PSD3: variants seen among roughly 807,000 people sequenced by gnomAD.
PSD3 encodes the protein pleckstrin and Sec7 domain containing 3.
In PSD3, 49 loss-of-function variants were observed where a neutral mutation model predicts 105.5. The observed-to-expected ratio is 0.46, with a 90% CI of 0.37 to 0.59. The LOEUF (loss-of-function observed/expected upper bound fraction) is 0.59. PSD3 is among the 20% of genes least tolerant of loss of function. The pLI is 0.00. For synonymous variants in PSD3, 557 were observed against 457.8 expected, an observed-to-expected ratio of 1.22 and a Z score of -2.77; for missense variants, 1,561 against 1,263.8, an observed-to-expected ratio of 1.24 and a Z score of -3.57.
intron 4 of PSD3, among the ~76,000 whole-genome samples, chr8:18,845,833 A>G (rs7844500): frequency 0.45 from 68,157 of 152,014 alleles, 15,790 homozygotes; most frequent in Admixed American, 0.52. Flanking sequence ...TAGTCTCAGG[A>G]TTTTATGGGA....
chr8:18,994,807 G>T (rs1825987622), intron 1 of PSD3, among the ~76,000 whole-genome samples: 3 of 151,290 alleles, frequency 2.0e-5, no homozygotes, highest in Admixed American at 2.0e-4. Flanking sequence ...ATCCTAAAAA[G>T]TATGCCTCAT....
chr8:19,031,026 G>A (rs1024591779), intron 1 of PSD3, among the ~76,000 whole-genome samples: 2 of 152,150 alleles, frequency 1.3e-5, no homozygotes, highest in African/African-American at 4.8e-5. Flanking sequence ...CAGTCTGATT[G>A]TATCTATGTG....
At chr8:18,741,969 G>A (rs1046318028) in intron 9 of PSD3, among the ~76,000 whole-genome samples, 6 of 152,068 alleles carry the variant, frequency 3.9e-5, no homozygotes, top group African/African-American at 9.7e-5. Context: ...ATACTTAAAC[G>A]AAAGTGTTTA....
At chr8:18,737,555 G>A (rs573872218) in intron 9 of PSD3, among the ~76,000 whole-genome samples, 102 of 152,248 alleles carry the variant, frequency 6.7e-4, no homozygotes, top group African/African-American at 2.3e-3. Context: ...TGCTCGCTTG[G>A]CCTCCCAGAG....
chr8:18,573,875 G>A (rs1036489483), intron 13 of PSD3, among the ~76,000 whole-genome samples: 6 of 152,064 alleles, frequency 3.9e-5, no homozygotes, highest in African/African-American at 1.4e-4. Flanking sequence ...TGATGGCTGA[G>A]CCATTCTGTA....
intron 15 of PSD3, among the ~76,000 whole-genome samples, chr8:18,551,141 C>T (rs532360537): frequency 2.6e-5 from 4 of 152,248 alleles, no homozygotes; most frequent in African/African-American, 7.2e-5. Context: ...TGCACTGCTC[C>T]TGTGAAAGCA....
chr8:18,844,965 A>T (rs993563613), intron 4 of PSD3, among the ~76,000 whole-genome samples: 23 of 152,336 alleles, frequency 1.5e-4, no homozygotes, highest in African/African-American at 5.5e-4. Flanking sequence ...TTTGCACTAA[A>T]ATCTGGGAAT....
At chr8:18,661,234 C>T (rs1306203841) in intron 9 of PSD3, among the ~76,000 whole-genome samples, 1 of 152,192 alleles carries the variant, frequency 6.6e-6, no homozygotes, top group African/African-American at 2.4e-5. Flanking sequence ...ACAGCTTCCA[C>T]TTTCAGTGAA....
At chr8:19,059,477 A>C (rs1242011244) in intron 1 of PSD3, among the ~76,000 whole-genome samples, 6 of 152,204 alleles carry the variant, frequency 3.9e-5, no homozygotes, top group Non-Finnish European at 8.8e-5. Flanking sequence ...GTGCAGAACA[A>C]GAAACTAGCC....
rs568626051 is a variant in PSD3 at position 18,600,340 on chromosome 8, A to AT, written c.2481+23dup. ...GTAATTATTTCATCGAGTTTTGTGG[A>AT]TTTTTTATCTGCTTTACTTTTACCT... On this transcript the variant is annotated intron_variant, in intron 12 of 15. Transcript: ENST00000327040. 334 of 1,591,700 alleles carry AT rather than the reference A, an allele frequency of 2.1e-4. 2 individuals are homozygous for AT. The East Asian group carries it at 6.0e-3, about 29-fold the overall frequency.
At chr8:18,648,805 T>A (rs1035196860) in intron 10 of PSD3, among the ~76,000 whole-genome samples, 1 of 152,120 alleles carries the variant, frequency 6.6e-6, no homozygotes, top group African/African-American at 2.4e-5. Flanking sequence ...GCTCCCTGCA[T>A]CCCAGCCACT....
chr8:18,917,597 C>T (rs921553975), intron 2 of PSD3, among the ~76,000 whole-genome samples: 1 of 152,196 alleles, frequency 6.6e-6, no homozygotes, highest in Admixed American at 6.5e-5. Context: ...ATATGTTTCG[C>T]TTGAAGTCGC....
At chr8:18,813,914 T>C (rs1413402559) in intron 4 of PSD3, among the ~76,000 whole-genome samples, 1 of 152,200 alleles carries the variant, frequency 6.6e-6, no homozygotes, top group Non-Finnish European at 1.5e-5. Flanking sequence ...AGATCCATCT[T>C]CGTCACCAAC....
chr8:18,622,817 G>C (rs116888912), intron 11 of PSD3, among the ~76,000 whole-genome samples: 1 of 152,052 alleles, frequency 6.6e-6, no homozygotes, highest in Non-Finnish European at 1.5e-5. Context: ...GAGCTTAACG[G>C]ATCTCTCTCC....
intron 9 of PSD3, among the ~76,000 whole-genome samples, chr8:18,735,380 TACTC>T (rs1203806596): frequency 6.6e-6 from 1 of 152,182 alleles, no homozygotes; most frequent in Non-Finnish European, 1.5e-5. Context: ...GTCATTGAGA[TACTC>T]ACAATCAGAG....
intron 4 of PSD3, among the ~76,000 whole-genome samples, chr8:18,828,627 C>G (rs1201634233): frequency 6.6e-6 from 1 of 151,940 alleles, no homozygotes; most frequent in East Asian, 1.9e-4. Flanking sequence ...ATGGTGGACT[C>G]CCATCTCTAC....
Position 18,676,421 on chromosome 8 carries a change from C to T in PSD3, c.2173-20736G>A, listed in dbSNP as rs116229591. On this transcript the variant is annotated intron_variant, in intron 9 of 15. Transcript: ENST00000327040. ...CTCTTCACAAAACCCACACCTCTAC[C>T]ACCTCACTGATGCCATACCCGCTAA... 4.9e-3 allele frequency among the ~76,000 whole-genome samples: 751 copies of T among 152,282 alleles called. 8 individuals are homozygous for T. Among genetic ancestry groups the T allele is most frequent in the African/African-American group, 0.018 (729 of 41,548 alleles).
chr8:18,865,264 ATATATATATATATATATATATATTTTT>A lies in PSD3; in HGVS notation c.1634+2383_1634+2409del, dbSNP rs1816803039. On this transcript the variant is annotated intron_variant, in intron 4 of 15. Coordinates refer to ENST00000327040, the MANE Select transcript of PSD3 (RefSeq NM_015310.4). The stretch of plus-strand genomic sequence containing the variant: ...TATATATATATATATATATATATAT[ATATATATATATATATATATATATTTTT>A]TTTTTTTTTTTTTTTTTTAAAGGCT... 7 of 3,434 alleles carry A rather than the reference ATATATATATATATATATATATATTTTT, an allele frequency of 2.0e-3. No individual in the cohort carries two copies. In the South Asian group the frequency reaches 0.054, roughly 27 times the overall value. 0.2% of individuals were successfully genotyped at this position (3,434 alleles called of 1,614,324 possible).
chr8:19,052,790 G>A (rs945115258), intron 1 of PSD3, among the ~76,000 whole-genome samples: 1 of 84,342 alleles, frequency 1.2e-5, no homozygotes, highest in East Asian at 3.2e-4. Flanking sequence ...AGCTGTGGGT[G>A]GGTGGGTCCA....
Sources: gnomAD v4.1 joint callset for allele counts (sites outside exome capture counted in the v4.1 genomes callset) on GRCh38, gnomAD v4.1.1 for gene constraint, MANE v1.5 for transcripts, NCBI Gene and HGNC (gene_info 2026-07-23, HGNC 2026-07-21) for gene names.